The following PCNT variants were observed in gnomAD, a reference collection of about 807,000 sequenced individuals.
The protein encoded by PCNT is pericentrin, also known as kendrin.
A neutral mutation model predicts 380.4 loss-of-function variants in PCNT; 319 were observed. That is an observed-to-expected ratio of 0.84 (90% CI 0.77 to 0.92). PCNT has a LOEUF of 0.92. Among genes scored for constraint, PCNT ranks in the 40% least tolerant of loss-of-function variants. The pLI is 0.00. For synonymous variants in PCNT, 1,845 were observed against 1,735.2 expected, an observed-to-expected ratio of 1.06 and a Z score of -1.57; for missense variants, 4,400 against 4,255.3, an observed-to-expected ratio of 1.03 and a Z score of -0.95.
At chr21:46,371,410 A>G (rs2085123799) in intron 15 of PCNT, among the ~76,000 whole-genome samples, 1 of 151,720 alleles carries the variant, frequency 6.6e-6, no homozygotes, top group Non-Finnish European at 1.5e-5. Flanking sequence ...CTGGTCTTGA[A>G]CTCATGGGCT....
At chr21:46,355,127 G>A (rs1251451451) in intron 11 of PCNT, among the ~76,000 whole-genome samples, 3 of 152,230 alleles carry the variant, frequency 2.0e-5, no homozygotes, top group East Asian at 1.9e-4. Context: ...CGAGGGGCAC[G>A]TGCCCTACCG....
intron 41 of PCNT, among the ~76,000 whole-genome samples, chr21:46,438,861 T>C (rs9981192): frequency 0.82 from 124,911 of 151,602 alleles, 51,824 homozygotes; most frequent in African/African-American, 0.92. Context: ...TTAGTAGAGA[T>C]GGGGTTTTGC....
intron 1 of PCNT, chr21:46,325,233 A>G (rs1256303071): frequency 1.0e-6 from 1 of 979,178 alleles, no homozygotes; most frequent in Non-Finnish European, 1.2e-6. Context: ...CCCCCCCAGG[A>G]TGTTCTGGCT....
At chr21:46,324,596 A>G (rs1384984251) in intron 1 of PCNT, among the ~76,000 whole-genome samples, 1 of 148,132 alleles carries the variant, frequency 6.8e-6, no homozygotes, top group African/African-American at 2.5e-5. Context: ...GGCGCGGTGC[A>G]CGCCGGGGCG....
At chr21:46,392,079 T>TTTA (rs200553388) in intron 21 of PCNT, among the ~76,000 whole-genome samples, 3 of 152,174 alleles carry the variant, frequency 2.0e-5, no homozygotes, top group Non-Finnish European at 2.9e-5. Context: ...AGAAGTCTCA[T>TTTA]TTATTATTAT....
At position 46,402,449 on chromosome 21, in the gene PCNT, T is replaced by G. The variant is rs2086459584; in HGVS notation, c.5081T>G (p.Leu1694Arg). 6.2e-7 allele frequency: 1 copy of G among 1,614,100 alleles called. No individual in the cohort carries two copies. The highest frequency in any genetic ancestry group is 8.5e-7 in the Non-Finnish European group (1 of 1,179,976). Residue 1694 changes from leucine to arginine, a missense_variant, in exon 27 of 47, where the codon CTC (leucine) becomes CGC (arginine). Physicochemically the swap from Leu to Arg is moderately radical, Grantham distance 102. Transcript: ENST00000359568. ...CAGAACAGCCAGACTGCTGTCAGCCTCAGAGAACTTGAGGAAGAGAACACG... is the reference window on the plus strand; with the variant it reads ...CAGAACAGCCAGACTGCTGTCAGCCGCAGAGAACTTGAGGAAGAGAACACG... Reference protein sequence around the residue: ...DMQNSQTAVSLRELEEENTSL... With the variant: ...DMQNSQTAVSRRELEEENTSL...
intron 13 of PCNT, among the ~76,000 whole-genome samples, chr21:46,359,506 T>C (rs2084625387): frequency 7.9e-6 from 1 of 126,232 alleles, no homozygotes; most frequent in Non-Finnish European, 1.8e-5. Context: ...TTTTTTTTTT[T>C]TGAGACAGTG....
At chr21:46,405,225 C>G (rs2086588364) in intron 27 of PCNT, among the ~76,000 whole-genome samples, 1 of 152,080 alleles carries the variant, frequency 6.6e-6, no homozygotes, top group South Asian at 2.1e-4. Flanking sequence ...AGAACAGGAC[C>G]CTGCCTAAAA....
rs61735809 is a variant in PCNT, at chr21:46,411,420, C to T, written c.5347C>T (p.Pro1783Ser). Reference protein sequence around the residue: ...SELLCSQAGGPRGQALQGELE... With the variant: ...SELLCSQAGGSRGQALQGELE... ...GCTGCTCTGCTCCCAGGCCGGGGGC[C>T]CTCGTGGGCAGGCCCTACAGGGCGA... The change falls in exon 28 of 47, where the codon CCT becomes TCT. Residue 1783 changes from proline (P) to serine (S), a missense_variant. Physicochemically the swap from Pro to Ser is moderately conservative, Grantham distance 74. Transcript: ENST00000359568. 1 of 1,613,070 alleles carries T rather than the reference C, an allele frequency of 6.2e-7. No individual in the cohort carries two copies. The highest frequency in any genetic ancestry group is 8.5e-7 in the Non-Finnish European group (1 of 1,179,864).
At position 46,436,009 on chromosome 21, in the gene PCNT, C is replaced by T; in HGVS notation, c.8857C>T (p.His2953Tyr). The part of the protein sequence containing the change: ...SKDEVPGSRL[H>Y]LGSARRAAGS... The stretch of plus-strand genomic sequence containing the variant: ...GGACGAGGTGCCTGGCAGCCGCCTC[C>T]ACCTAGGTTCTGCCCGCAGGGCTGC... The change falls in exon 39 of 47, where the codon CAC (histidine) becomes TAC (tyrosine). Residue 2953 changes from histidine to tyrosine, a missense_variant. Transcript: ENST00000359568. The T allele has an allele frequency of 1.2e-6, 2 of 1,614,150 alleles. No individual in the cohort carries two copies. The highest frequency in any genetic ancestry group is 1.7e-6 in the Non-Finnish European group (2 of 1,180,026).
intron 3 of PCNT, among the ~76,000 whole-genome samples, chr21:46,338,143 G>T (rs150450952): frequency 6.6e-6 from 1 of 152,112 alleles, no homozygotes; most frequent in Non-Finnish European, 1.5e-5. Flanking sequence ...CCTCCAAAAT[G>T]CTGGGATTAC....
Position 46,398,070 on chromosome 21 carries a change from G to T in PCNT, c.4503G>T (p.Arg1501Ser), listed in dbSNP as rs2086266810. Reference protein sequence around the residue: ...EREEFQQEIQRLEGQLRQAAK... With the variant: ...EREEFQQEIQSLEGQLRQAAK... ...AGGAGTTCCAGCAGGAGATTCAGAG[G>T]CTGGAGGGGCAGCTCCGCCAGGCGG... is the stretch of plus-strand genomic sequence containing the variant. The change falls in exon 23 of 47, where the codon AGG (arginine) becomes AGT (serine). Residue 1501 changes from arginine (R) to serine (S), a missense_variant. By Grantham distance (110) the Arg-to-Ser change is moderately radical (BLOSUM62 -1). Coordinates refer to ENST00000359568, the MANE Select transcript of PCNT (RefSeq NM_006031.6). The T allele has an allele frequency of 6.3e-7, 1 of 1,596,064 alleles. No homozygotes were observed. The highest frequency in any genetic ancestry group is 8.5e-7 in the Non-Finnish European group (1 of 1,172,820).
Position 46,334,299 on chromosome 21 carries a change from A to C in PCNT, c.268-98A>C, listed in dbSNP as rs1313493685. ...GAAGTGAGCTCTACTTGTTAAATGA[A>C]GTCAGCACAGGCCTGCAGATAGAGG... On this transcript the variant is annotated intron_variant, in intron 2 of 46. Transcript: ENST00000359568. The C allele has an allele frequency of 1.5e-5, 24 of 1,548,458 alleles. No homozygotes were observed. In the East Asian group the frequency reaches 5.2e-4, roughly 33 times the overall value.
At chr21:46,390,235 C>T (rs2085985142) in intron 19 of PCNT, among the ~76,000 whole-genome samples, 1 of 152,244 alleles carries the variant, frequency 6.6e-6, no homozygotes, top group South Asian at 2.1e-4. Flanking sequence ...ATTGCTTGAT[C>T]CTGGGAGGCT....
intron 8 of PCNT, among the ~76,000 whole-genome samples, chr21:46,350,545 G>A (rs2084229324): frequency 6.6e-6 from 1 of 152,220 alleles, no homozygotes; most frequent in Non-Finnish European, 1.5e-5. Context: ...AGTATCCCAA[G>A]AATCAGTTGA....
intron 27 of PCNT, among the ~76,000 whole-genome samples, chr21:46,409,208 T>TTTG (rs2086709236): frequency 6.7e-6 from 1 of 150,168 alleles, no homozygotes; most frequent in African/African-American, 2.4e-5. Flanking sequence ...TTTTTTTTTT[T>TTTG]GACAGAGTCT....
At chr21:46,435,092 T>G (rs2087911578) in intron 38 of PCNT, among the ~76,000 whole-genome samples, 1 of 152,198 alleles carries the variant, frequency 6.6e-6, no homozygotes, top group East Asian at 1.9e-4. Context: ...GTGTGCAGTG[T>G]GTCAGCTGTG....
In PCNT at chr21:46,397,340, C is replaced by G. The variant is rs544229090; in HGVS notation, c.4292C>G (p.Ala1431Gly). ...TRKQAEKDRS[A>G]LLSQMKILES... ...AAGCAGGCTGAGAAGGACCGCTCAG[C>G]CCTGCTCTCCCAGATGAAGATTTTG... The change falls in exon 22 of 47, where the codon GCC becomes GGC. Residue 1431 changes from alanine to glycine, a missense_variant. Transcript: ENST00000359568. The G allele has an allele frequency of 9.3e-6, 15 of 1,614,072 alleles. No individual in the cohort carries two copies. The South Asian group carries it at 1.6e-4, about 18-fold the overall frequency.
At position 46,411,741 on chromosome 21, in the gene PCNT, G is replaced by A. The variant is rs201631915; in HGVS notation, c.5668G>A (p.Glu1890Lys). The A allele has an allele frequency of 7.4e-6, 12 of 1,611,404 alleles. No homozygotes were observed. The highest frequency in any genetic ancestry group is 2.7e-5 in the African/African-American group (2 of 74,938). Residue 1890 changes from glutamate to lysine, a missense_variant, in exon 28 of 47, where the codon GAG becomes AAG. Glu to Lys is a moderately conservative substitution (Grantham distance 56). Coordinates refer to ENST00000359568, the MANE Select transcript of PCNT (RefSeq NM_006031.6). ...CCAGCGGAAGGCGGCCCACTCTGCCGAGCTGGAGGCCGTCCTGTTGGCCTT... is the reference window on the plus strand; with the variant it reads ...CCAGCGGAAGGCGGCCCACTCTGCCAAGCTGGAGGCCGTCCTGTTGGCCTT... The part of the protein sequence containing the change: ...LNQRKAAHSA[E>K]LEAVLLALAR...
Sources: gnomAD v4.1 joint callset for allele counts (sites outside exome capture counted in the v4.1 genomes callset) on GRCh38, gnomAD v4.1.1 for gene constraint, MANE v1.5 for transcripts, NCBI Gene and HGNC (gene_info 2026-07-23, HGNC 2026-07-21) for gene names.